The following FKBP15 variants were observed in gnomAD, a reference collection of about 807,000 sequenced individuals.
The protein encoded by FKBP15 is FK506-binding protein 15.
A neutral mutation model predicts 158.1 loss-of-function variants in FKBP15; 106 were observed. The observed-to-expected ratio is 0.67, with a 90% CI of 0.57 to 0.79. The LOEUF is 0.79. Among genes scored for constraint, FKBP15 ranks in the 30% least tolerant of loss-of-function variants. FKBP15 has a pLI of 0.00. For missense variants in FKBP15, 1,287 were observed against 1,479.1 expected (o/e 0.87, Z 2.13); for synonymous variants, 547 against 548.6 (o/e 1.00, Z 0.04).
intron 10 of FKBP15, 23 bp from the exon 11 acceptor site, chr9:113,193,572 C>T: frequency 6.3e-7 from 1 of 1,582,310 alleles, no homozygotes; most frequent in Non-Finnish European, 8.6e-7. Context: ...AGACCATATT[C>T]CAAGATTGAA....
At position 113,162,845 on chromosome 9, in the gene FKBP15, G is replaced by T; in HGVS notation, c.*3233C>A. ...TGGCCGTAATGTCCTACAACACCTG[G>T]ATTTTCCTTGGTGTGGTCTTGGGCT... is the stretch of plus-strand genomic sequence containing the variant. On this transcript the variant is annotated 3_prime_UTR_variant, in exon 28 of 28. Transcript: ENST00000238256. 6.2e-7 allele frequency: 1 copy of T among 1,613,688 alleles called. No homozygotes were observed. Among genetic ancestry groups the T allele is most frequent in the Non-Finnish European group, 8.5e-7 (1 of 1,179,818 alleles).
Position 113,161,453 on chromosome 9 carries a change from G to A in FKBP15, c.*4625C>T, listed in dbSNP as rs919871297. 3.3e-6 allele frequency: 5 copies of A among 1,526,916 alleles called. No homozygotes were observed. Among genetic ancestry groups the A allele is most frequent in the East Asian group, 4.5e-5 (2 of 44,446 alleles). The allele number at this position is 1,526,916 out of a possible 1,614,324, so 94.6% of individuals were successfully genotyped here. On this transcript the variant is annotated 3_prime_UTR_variant, in exon 28 of 28. Coordinates refer to ENST00000238256, the MANE Select transcript of FKBP15 (RefSeq NM_015258.2). Reference sequence around the variant, plus strand: ...GATTCCATGAACAGGTGGAGGTGCTGGAAGGGAAACAGTGCTGGCCTGGCC... The same window carrying A: ...GATTCCATGAACAGGTGGAGGTGCTAGAAGGGAAACAGTGCTGGCCTGGCC...
At chr9:113,213,334 A>C (rs550410166) in intron 1 of FKBP15, among the ~76,000 whole-genome samples, 3 of 151,894 alleles carry the variant, frequency 2.0e-5, no homozygotes, top group Admixed American at 2.0e-4. Flanking sequence ...GCCTGAACCA[A>C]GGAGGCAGAT....
intron 11 of FKBP15, among the ~76,000 whole-genome samples, chr9:113,191,684 G>C (rs1207770584): frequency 1.3e-5 from 2 of 148,874 alleles, no homozygotes; most frequent in Non-Finnish European, 3.0e-5. Flanking sequence ...GAAAAGGCAA[G>C]GTGCATTACA....
At chr9:113,205,115 T>C (rs1319551299) in intron 4 of FKBP15, among the ~76,000 whole-genome samples, 3 of 152,206 alleles carry the variant, frequency 2.0e-5, no homozygotes, top group African/African-American at 7.2e-5. Context: ...CGTCATGACC[T>C]TGGTTTTGGT....
At chr9:113,175,175 G>A (rs547494306) in intron 21 of FKBP15, among the ~76,000 whole-genome samples, 15 of 150,282 alleles carry the variant, frequency 1.0e-4, no homozygotes, top group East Asian at 3.9e-4. Context: ...GTAAGAAAAC[G>A]AATGGATATA....
chr9:113,182,148 A>C (rs1348871074), intron 19 of FKBP15, among the ~76,000 whole-genome samples: 8 of 152,198 alleles, frequency 5.3e-5, no homozygotes, highest in Admixed American at 3.3e-4. Context: ...CAAAATATAA[A>C]CGAGTTCTAA....
intron 9 of FKBP15, among the ~76,000 whole-genome samples, chr9:113,195,512 G>A (rs536256170): frequency 7.9e-5 from 12 of 152,282 alleles, no homozygotes; most frequent in East Asian, 7.7e-4. Flanking sequence ...GCAGCAGGGC[G>A]TATGTCATTG....
chr9:113,187,696 G>A (rs573837833), intron 14 of FKBP15, 97 bp downstream of exon 14: 32 of 964,598 alleles, frequency 3.3e-5, no homozygotes, highest in Non-Finnish European at 5.1e-5. Flanking sequence ...TGACTTTGGG[G>A]AACTGCTACT....
chr9:113,168,585 T>A (rs1001048593), intron 26 of FKBP15, 29 bp from the exon 27 acceptor site: 6 of 1,599,114 alleles, frequency 3.8e-6, no homozygotes, highest in Non-Finnish European at 5.1e-6. Context: ...ATAGAAAATG[T>A]TATTGTTCCT....
In FKBP15 at chr9:113,221,129, C is replaced by G; in HGVS notation, c.53+62G>C. The stretch of plus-strand genomic sequence containing the variant: ...AAGGCCTGAGAAGAGATCGACCCCC[C>G]TCCAACAATCCGCCGGTATCTCTCA... On this transcript the variant is annotated intron_variant, in intron 1 of 27. Coordinates refer to ENST00000238256, the MANE Select transcript of FKBP15 (RefSeq NM_015258.2). 4.6e-6 allele frequency: 7 copies of G among 1,524,970 alleles called. No individual in the cohort carries two copies. In the South Asian group the frequency reaches 8.7e-5, roughly 19 times the overall value. The allele number at this position is 1,524,970 out of a possible 1,614,324, so 94.5% of individuals were successfully genotyped here.
chr9:113,175,875 G>A (rs1830291013), intron 21 of FKBP15, among the ~76,000 whole-genome samples: 1 of 152,168 alleles, frequency 6.6e-6, no homozygotes, highest in Non-Finnish European at 1.5e-5. Flanking sequence ...TGTAGAGTGG[G>A]GAAGAATGTG....
chr9:113,169,262 T>A lies in FKBP15; in HGVS notation c.3447A>T (p.Gly1149=). The A allele has an allele frequency of 6.2e-7, 1 of 1,614,002 alleles. No homozygotes were observed. The highest frequency in any genetic ancestry group is 1.3e-5 in the African/African-American group (1 of 75,062). ...SSTEAGSTVA[G]AALRPSHHSQ... Reference sequence around the variant, plus strand: ...AATGATGGCTGGGTCTGAGGGCTGCTCCTGCAACTGTGGAACCTGCCTCTG... The same window carrying A: ...AATGATGGCTGGGTCTGAGGGCTGCACCTGCAACTGTGGAACCTGCCTCTG... Residue 1149 remains glycine, a synonymous_variant, in exon 26 of 28, where the codon GGA becomes GGT. Transcript: ENST00000238256.
chr9:113,215,965 G>A (rs1483818499), intron 1 of FKBP15, among the ~76,000 whole-genome samples: 1 of 150,660 alleles, frequency 6.6e-6, no homozygotes, highest in African/African-American at 2.4e-5. Flanking sequence ...GAATATTTTT[G>A]AATATTAAGA....
In FKBP15 at chr9:113,186,379, G is replaced by C. The variant is rs1274499690; in HGVS notation, c.1384-16C>G. 1 of 1,461,514 alleles carries C rather than the reference G, an allele frequency of 6.8e-7. No individual in the cohort carries two copies. Among genetic ancestry groups the C allele is most frequent in the Admixed American group, 2.0e-5 (1 of 49,532 alleles). 90.5% of individuals were successfully genotyped at this position (1,461,514 alleles called of 1,614,324 possible). A position where few individuals can be genotyped will look rare whatever the true frequency, so the allele number is the denominator to read the frequency against. ...CTGCATAGGGCTGAGAAACTGACGA[G>C]TTACCACTGGTTGATAAAACATTCA... On this transcript the variant is annotated splice_polypyrimidine_tract_variant and intron_variant, in intron 14 of 27. Transcript: ENST00000238256.
chr9:113,202,698 C>A, intron 5 of FKBP15, 69 bp from the exon 6 acceptor site: 1 of 1,265,106 alleles, frequency 7.9e-7, no homozygotes, highest in Non-Finnish European at 1.1e-6. Flanking sequence ...ACGGCCTAAG[C>A]TCATAGAGTA....
Position 113,184,820 on chromosome 9 carries a change from C to A in FKBP15, c.1499-16G>T, listed in dbSNP as rs763668543. On this transcript the variant is annotated splice_polypyrimidine_tract_variant and intron_variant, in intron 15 of 27. Coordinates refer to ENST00000238256, the MANE Select transcript of FKBP15 (RefSeq NM_015258.2). The surrounding 1 kb of genome is among the most constrained non-coding windows in gnomAD (Gnocchi z 4.5). ...TCACCTGATCCTAAACAGATACAAG[C>A]CAAAAAGAAACTTATGAAACTGGAG... 5 of 1,569,332 alleles carry A rather than the reference C, an allele frequency of 3.2e-6. No homozygotes were observed. The highest frequency in any genetic ancestry group is 4.6e-5 in the East Asian group (2 of 43,692).
intron 11 of FKBP15, among the ~76,000 whole-genome samples, 158 bp from the exon 12 acceptor site, chr9:113,190,736 T>G (rs1013030533): frequency 1.3e-5 from 2 of 152,248 alleles, no homozygotes; most frequent in East Asian, 3.8e-4. Flanking sequence ...ATTTCTTGCA[T>G]AGAAGTATAC....
At position 113,169,441 on chromosome 9, in the gene FKBP15, G is replaced by T; in HGVS notation, c.3268C>A (p.Gln1090Lys). The change falls in exon 26 of 28, where the codon CAA becomes AAA. Residue 1090 changes from glutamine (Q) to lysine (K), a missense_variant. Transcript: ENST00000238256. ...VREVAPDGPLQESSTRLSLTS... is the reference protein window; with the variant it reads ...VREVAPDGPLKESSTRLSLTS... The stretch of plus-strand genomic sequence containing the variant: ...AGGGACAGTCTTGTGGAGCTTTCTT[G>T]TAGTGGGCCATCTGGTGCTACTTCC... 1 of 1,614,054 alleles carries T rather than the reference G, an allele frequency of 6.2e-7. No individual in the cohort carries two copies. The highest frequency in any genetic ancestry group is 8.5e-7 in the Non-Finnish European group (1 of 1,179,898).
Sources: allele counts gnomAD v4.1 joint callset (sites outside exome capture counted in the v4.1 genomes callset), GRCh38; gene constraint gnomAD v4.1.1; non-coding constraint Gnocchi (gnomAD v3.1); transcripts MANE v1.5; gene names NCBI Gene and HGNC (gene_info 2026-07-23, HGNC 2026-07-21).